Variants in ATXN8OS observed in about 807,000 individuals in gnomAD.
ATXN8OS encodes the protein ATXN8 opposite strand lncRNA, also known as ATXN8 opposite strand (non-protein coding).
intron 3 of ATXN8OS, among the ~76,000 whole-genome samples, chr13:70,134,204 A>C (rs1283340854): frequency 6.6e-6 from 1 of 152,206 alleles, no homozygotes; most frequent in Non-Finnish European, 1.5e-5. Flanking sequence ...TGTCAAACTA[A>C]GTGTAAATTA....
chr13:70,130,678 A>C, intron 3 of ATXN8OS: 1 of 398,488 alleles, frequency 2.5e-6, no homozygotes. Context: ...TCCATTTCAG[A>C]TTCAAACTTC....
chr13:70,161,731 T>G (rs932489293), intron 4 of ATXN8OS, among the ~76,000 whole-genome samples: 1 of 150,846 alleles, frequency 6.6e-6, no homozygotes, highest in African/African-American at 2.4e-5. Flanking sequence ...ATACCCAACA[T>G]CTTGTAGTTA....
intron 4 of ATXN8OS, among the ~76,000 whole-genome samples, chr13:70,150,926 G>C (rs1476680467): frequency 2.0e-5 from 3 of 152,066 alleles, no homozygotes; most frequent in African/African-American, 7.2e-5. Context: ...GCTCAAAGAA[G>C]GTTCGTGGCA....
At chr13:70,167,542 G>A (rs1028174747) in intron 4 of ATXN8OS, among the ~76,000 whole-genome samples, 1 of 151,782 alleles carries the variant, frequency 6.6e-6, no homozygotes, top group Non-Finnish European at 1.5e-5. Context: ...GATAGCATTA[G>A]GAGATATACC....
rs529530631 is a variant in ATXN8OS, at chr13:70,146,399, C to G, written n.500-956C>G. Among the ~76,000 whole-genome samples the G allele has an allele frequency of 1.6e-3, 240 of 151,920 alleles. 1 individual carries two copies. The highest frequency in any genetic ancestry group is 4.9e-3 in the Admixed American group (75 of 15,252). The stretch of plus-strand genomic sequence containing the variant: ...GAACTAGAAATACCATTTGACCCAG[C>G]CATCCCATTACTGGGTATATACCCA... On this transcript the variant is annotated intron_variant and non_coding_transcript_variant, in intron 3 of 4. Coordinates refer to ENST00000678624, the Ensembl canonical transcript of ATXN8OS.
chr13:70,135,552 G>C (rs891364746), intron 3 of ATXN8OS, among the ~76,000 whole-genome samples: 1 of 152,026 alleles, frequency 6.6e-6, no homozygotes. Context: ...CTTCTTCCTT[G>C]AGTATGGACT....
intron 4 of ATXN8OS, among the ~76,000 whole-genome samples, chr13:70,149,190 T>C (rs916196999): frequency 2.0e-5 from 3 of 152,114 alleles, no homozygotes; most frequent in Non-Finnish European, 2.9e-5. Context: ...TAATTGTGTA[T>C]TGAAGAACGA....
intron 4 of ATXN8OS, among the ~76,000 whole-genome samples, chr13:70,156,927 T>C (rs1445864125): frequency 6.6e-6 from 1 of 152,168 alleles, no homozygotes; most frequent in Non-Finnish European, 1.5e-5. Flanking sequence ...AGCATGATAT[T>C]GTGATGCCCT....
At chr13:70,135,412 GCTCT>G (rs372937984) in intron 3 of ATXN8OS, among the ~76,000 whole-genome samples, 15 of 149,604 alleles carry the variant, frequency 1.0e-4, no homozygotes, top group African/African-American at 1.7e-4. Context: ...TTACTTAATG[GCTCT>G]CTCTCTCTCT....
chr13:70,139,377 A>ACTACTGCTACTACTACTACTG (rs1555300507), intron 3 of ATXN8OS: 1 of 645,386 alleles, frequency 1.5e-6, no homozygotes, highest in Non-Finnish European at 2.6e-6. Context: ...TACTACTACT[A>ACTACTGCTACTACTACTACTG]CTACTACTGC....
intron 4 of ATXN8OS, among the ~76,000 whole-genome samples, chr13:70,156,713 A>G (rs1490447401): frequency 6.6e-6 from 1 of 152,194 alleles, no homozygotes; most frequent in Non-Finnish European, 1.5e-5. Flanking sequence ...ATGAGTTTTC[A>G]TAAACTATCC....
At chr13:70,141,821 G>C (rs1440340407) in intron 3 of ATXN8OS, among the ~76,000 whole-genome samples, 1 of 151,664 alleles carries the variant, frequency 6.6e-6, no homozygotes, top group Non-Finnish European at 1.5e-5. Context: ...TGTTTCAGAA[G>C]GTCAGTATGA....
At chr13:70,119,441 C>T (rs1888327756) in intron 2 of ATXN8OS, among the ~76,000 whole-genome samples, 1 of 151,950 alleles carries the variant, frequency 6.6e-6, no homozygotes, top group African/African-American at 2.4e-5. Flanking sequence ...AGTTCTGAGC[C>T]CCATTTTCCT....
At chr13:70,136,419 G>T (rs911586913) in intron 3 of ATXN8OS, among the ~76,000 whole-genome samples, 3 of 151,626 alleles carry the variant, frequency 2.0e-5, no homozygotes, top group African/African-American at 7.3e-5. Flanking sequence ...TATCCAAATT[G>T]TATCCTACTT....
At chr13:70,132,004 G>A (rs1422136342) in intron 3 of ATXN8OS, among the ~76,000 whole-genome samples, 2 of 152,062 alleles carry the variant, frequency 1.3e-5, no homozygotes, top group African/African-American at 4.8e-5. Context: ...TAGATAACAA[G>A]GAGAATCACA....
intron 4 of ATXN8OS, among the ~76,000 whole-genome samples, chr13:70,159,438 G>A (rs1030210572): frequency 4.0e-5 from 6 of 151,820 alleles, no homozygotes; most frequent in African/African-American, 2.4e-5. Context: ...CATTAGCAGG[G>A]GATGTTTTTA....
chr13:70,160,598 T>A (rs1015581828), intron 4 of ATXN8OS, among the ~76,000 whole-genome samples: 1 of 150,628 alleles, frequency 6.6e-6, no homozygotes, highest in Admixed American at 6.7e-5. Context: ...CAGTTATGCA[T>A]GTTTATAGTC....
chr13:70,144,260 G>A (rs760001980), intron 3 of ATXN8OS, among the ~76,000 whole-genome samples: 9 of 151,768 alleles, frequency 5.9e-5, no homozygotes, highest in Non-Finnish European at 1.3e-4. Context: ...TTTACATTTC[G>A]CATAAATACT....
At chr13:70,153,982 T>A in intron 4 of ATXN8OS, among the ~76,000 whole-genome samples, 1 of 152,162 alleles carries the variant, frequency 6.6e-6, no homozygotes, top group South Asian at 2.1e-4. Flanking sequence ...CCACTGCACC[T>A]GGCCTGTACT....
Sources: allele counts gnomAD v4.1 joint callset (sites outside exome capture counted in the v4.1 genomes callset), GRCh38; gene constraint gnomAD v4.1.1; transcripts MANE v1.5; gene names NCBI Gene and HGNC (gene_info 2026-07-23, HGNC 2026-07-21).